SLC39A11: variants seen among roughly 807,000 people sequenced by gnomAD.
SLC39A11 encodes the protein solute carrier family 39 member 11.
A neutral mutation model predicts 36.1 loss-of-function variants in SLC39A11; 33 were observed. The observed-to-expected ratio is 0.91, with a 90% CI of 0.69 to 1.22. The LOEUF is 1.22. Ranked by LOEUF, SLC39A11 falls within the 50% of genes most tolerant of loss-of-function variation. SLC39A11 has a pLI of 0.00. For synonymous variants in SLC39A11, 166 were observed against 170.3 expected (o/e 0.97, Z 0.20); for missense variants, 432 against 430.3 (o/e 1.00, Z -0.03).
At chr17:72,889,428 T>C (rs1192544371) in intron 5 of SLC39A11, among the ~76,000 whole-genome samples, 2 of 138,950 alleles carry the variant, frequency 1.4e-5, no homozygotes, top group African/African-American at 5.3e-5. Context: ...GGTAGGAGAA[T>C]TGCTTGAACC....
chr17:72,988,079 A>G (rs1461129477), intron 4 of SLC39A11, among the ~76,000 whole-genome samples: 2 of 152,220 alleles, frequency 1.3e-5, no homozygotes, highest in Admixed American at 1.3e-4. Context: ...AAATAAGCAC[A>G]TCATGGAGAA....
chr17:72,732,498 T>G (rs1021609702), intron 7 of SLC39A11, among the ~76,000 whole-genome samples: 2 of 152,210 alleles, frequency 1.3e-5, no homozygotes, highest in Non-Finnish European at 2.9e-5. Flanking sequence ...TCCCTTGTTT[T>G]GGGACCATCT....
rs544335261 is a variant in SLC39A11, at chr17:72,971,442, C to T, written c.307-23567G>A. Among the ~76,000 whole-genome samples the T allele has an allele frequency of 3.3e-5, 5 of 152,268 alleles. 1 individual carries two copies. The South Asian group carries it at 6.2e-4, about 19-fold the overall frequency. On this transcript the variant is annotated intron_variant, in intron 4 of 9. Transcript: ENST00000255559. ...TCCCCTCCCACAGGAAATGGCACAG[C>T]GCCCCCCGATTTTAATGAAAATCTC...
intron 7 of SLC39A11, among the ~76,000 whole-genome samples, chr17:72,678,679 T>C (rs950934589): frequency 8.6e-5 from 13 of 151,470 alleles, no homozygotes; most frequent in African/African-American, 2.9e-4. Flanking sequence ...CACTCCAGCC[T>C]GGACGAGAAA....
At chr17:72,833,817 T>A (rs2078392470) in intron 6 of SLC39A11, among the ~76,000 whole-genome samples, 1 of 151,954 alleles carries the variant, frequency 6.6e-6, no homozygotes, top group South Asian at 2.1e-4. Context: ...GCTACACAAG[T>A]CCCGGCACAA....
intron 7 of SLC39A11, among the ~76,000 whole-genome samples, chr17:72,729,431 A>T (rs867919785): frequency 5.5e-4 from 3 of 5,420 alleles, no homozygotes; most frequent in African/African-American, 2.7e-3. Context: ...ATATATATAT[A>T]TATATATATA....
intron 6 of SLC39A11, among the ~76,000 whole-genome samples, chr17:72,750,553 C>T (rs1229862077): frequency 6.6e-6 from 1 of 151,632 alleles, no homozygotes; most frequent in Non-Finnish European, 1.5e-5. Flanking sequence ...CAAAATTAGA[C>T]TCTGGCAGTT....
chr17:72,748,760 A>G (rs1472658466), intron 6 of SLC39A11, among the ~76,000 whole-genome samples: 2 of 152,236 alleles, frequency 1.3e-5, no homozygotes, highest in African/African-American at 4.8e-5. Flanking sequence ...CTATACTGGC[A>G]TTGAAGATTC....
rs8067811 is a variant in SLC39A11, at chr17:72,891,387, T to C, written c.431-41583A>G. Among the ~76,000 whole-genome samples the C allele has an allele frequency of 7.0e-3, 1,071 of 152,234 alleles. 11 individuals carry two copies. Among genetic ancestry groups the C allele is most frequent in the African/African-American group, 0.024 (991 of 41,564 alleles). On this transcript the variant is annotated intron_variant, in intron 5 of 9. Coordinates refer to ENST00000255559, the MANE Select transcript of SLC39A11 (RefSeq NM_139177.4). ...TCTTGCTCTCCTGCCTGGACGCCCC[T>C]GCCAACCTTCTCTACCCTCTCAAAA...
intron 6 of SLC39A11, among the ~76,000 whole-genome samples, chr17:72,775,591 G>A (rs1052967969): frequency 3.3e-5 from 5 of 152,302 alleles, no homozygotes; most frequent in East Asian, 1.9e-4. Flanking sequence ...TGGGGGCAAC[G>A]TAGCAATCAG....
At chr17:72,954,887 G>A (rs913836898) in intron 4 of SLC39A11, among the ~76,000 whole-genome samples, 1 of 152,128 alleles carries the variant, frequency 6.6e-6, no homozygotes, top group Non-Finnish European at 1.5e-5. Context: ...GTCCTGCCTC[G>A]GGTGTCAGGC....
At chr17:72,846,639 G>C (rs370330596) in intron 6 of SLC39A11, among the ~76,000 whole-genome samples, 10 of 152,220 alleles carry the variant, frequency 6.6e-5, no homozygotes, top group African/African-American at 2.4e-4. Context: ...CCCAAGTACA[G>C]TGGCAGGTGT....
At chr17:72,890,551 A>T (rs1214101107) in intron 5 of SLC39A11, among the ~76,000 whole-genome samples, 1 of 152,234 alleles carries the variant, frequency 6.6e-6, no homozygotes, top group African/African-American at 2.4e-5. Flanking sequence ...TAAGTAATAA[A>T]GGAGACAGAG....
At chr17:72,796,651 A>AG (rs1163357383) in intron 6 of SLC39A11, among the ~76,000 whole-genome samples, 1 of 152,112 alleles carries the variant, frequency 6.6e-6, no homozygotes, top group African/African-American at 2.4e-5. Flanking sequence ...TAGGCCCTGG[A>AG]GGGGGCACGC....
At chr17:72,946,454 T>C (rs763109749) in intron 5 of SLC39A11, among the ~76,000 whole-genome samples, 11 of 152,138 alleles carry the variant, frequency 7.2e-5, no homozygotes, top group Non-Finnish European at 1.3e-4. Context: ...TTTTGTACAT[T>C]TGCTCTCCCT....
At chr17:72,978,749 G>T (rs897179031) in intron 4 of SLC39A11, among the ~76,000 whole-genome samples, 1 of 152,120 alleles carries the variant, frequency 6.6e-6, no homozygotes, top group Non-Finnish European at 1.5e-5. Flanking sequence ...GAGTGGACAG[G>T]ATGGGTCCAC....
intron 7 of SLC39A11, among the ~76,000 whole-genome samples, chr17:72,678,204 A>T (rs2071357774): frequency 6.6e-6 from 1 of 152,208 alleles, no homozygotes; most frequent in South Asian, 2.1e-4. Context: ...ATTTAACTCA[A>T]GTGTGCATAG....
intron 2 of SLC39A11, 141 bp downstream of exon 2, chr17:73,088,516 G>T: frequency 1.6e-6 from 1 of 632,272 alleles, no homozygotes. Context: ...TAAGAAGACA[G>T]CGAACAAACC....
intron 7 of SLC39A11, among the ~76,000 whole-genome samples, chr17:72,656,668 G>T (rs1007140702): frequency 6.6e-6 from 1 of 152,086 alleles, no homozygotes; most frequent in African/African-American, 2.4e-5. Flanking sequence ...GCTGCCTCAT[G>T]GAGGCAGAGT....
Sources: gnomAD v4.1 joint callset for allele counts (sites outside exome capture counted in the v4.1 genomes callset) on GRCh38, gnomAD v4.1.1 for gene constraint, MANE v1.5 for transcripts, NCBI Gene and HGNC (gene_info 2026-07-23, HGNC 2026-07-21) for gene names.